NIPA2: variants seen among roughly 807,000 people sequenced by gnomAD.
The protein encoded by NIPA2 is magnesium transporter NIPA2.
NIPA2 carries 11 observed loss-of-function variants against 29.7 expected under a neutral mutation model. That is an observed-to-expected ratio of 0.37 (90% CI 0.23 to 0.61). The LOEUF (loss-of-function observed/expected upper bound fraction) is 0.61. Ranked by LOEUF, NIPA2 falls within the 20% of genes least tolerant of loss-of-function variation. NIPA2 has a pLI of 0.66. For missense variants in NIPA2, 426 were observed against 437.9 expected, an observed-to-expected ratio of 0.97 and a Z score of 0.24; for synonymous variants, 183 against 161.9, an observed-to-expected ratio of 1.13 and a Z score of -0.99.
chr15:22,850,183 G>A (rs2057622833), intron 3 of NIPA2, among the ~76,000 whole-genome samples: 1 of 152,026 alleles, frequency 6.6e-6, no homozygotes, highest in African/African-American at 2.4e-5. Context: ...GTGGCATAGA[G>A]GAATGAGCAC....
rs2059173064 is a variant in NIPA2 at position 22,867,364 on chromosome 15, A to C, written c.*517A>C. Reference sequence around the variant, plus strand: ...TTATTAAGGGAAAACTAAGTTACTGAATGAAGGAACCTCTTTCTTACAAAA... The same window carrying C: ...TTATTAAGGGAAAACTAAGTTACTGCATGAAGGAACCTCTTTCTTACAAAA... On this transcript the variant is annotated 3_prime_UTR_variant, in exon 8 of 8. Coordinates refer to ENST00000337451, the MANE Select transcript of NIPA2 (RefSeq NM_030922.7). 1 of 393,636 alleles carries C rather than the reference A, an allele frequency of 2.5e-6. No individual in the cohort carries two copies. Among genetic ancestry groups the C allele is most frequent in the Non-Finnish European group, 4.5e-6 (1 of 223,636 alleles). 24.4% of individuals were successfully genotyped at this position (393,636 alleles called of 1,614,324 possible).
chr15:22,842,550 C>T (rs567538507), intron 2 of NIPA2, among the ~76,000 whole-genome samples: 1 of 151,300 alleles, frequency 6.6e-6, no homozygotes, highest in African/African-American at 2.4e-5. Context: ...AAATATTGGC[C>T]GGGCACGGTA....
chr15:22,861,690 A>C (rs1212725288), intron 7 of NIPA2, among the ~76,000 whole-genome samples: 1 of 152,060 alleles, frequency 6.6e-6, no homozygotes, highest in Non-Finnish European at 1.5e-5. Flanking sequence ...GAAATTTCCC[A>C]CTGACATGCC....
chr15:22,859,906 T>C (rs1255182429), intron 6 of NIPA2, among the ~76,000 whole-genome samples: 1 of 152,162 alleles, frequency 6.6e-6, no homozygotes, highest in Non-Finnish European at 1.5e-5. Flanking sequence ...CTACAAGTTA[T>C]TAAAACCTGA....
At chr15:22,849,812 T>A (rs2057589940) in intron 3 of NIPA2, among the ~76,000 whole-genome samples, 1 of 152,068 alleles carries the variant, frequency 6.6e-6, no homozygotes, top group South Asian at 2.1e-4. Context: ...TCCACCAGCC[T>A]CAGCCTCCCA....
intron 3 of NIPA2, among the ~76,000 whole-genome samples, chr15:22,845,731 G>A (rs1898441218): frequency 6.6e-6 from 1 of 152,064 alleles, no homozygotes; most frequent in South Asian, 2.1e-4. Flanking sequence ...AGGTTTCTGT[G>A]TTAGGAAATG....
intron 5 of NIPA2, among the ~76,000 whole-genome samples, chr15:22,853,537 G>A (rs1321539430): frequency 6.6e-6 from 1 of 151,782 alleles, no homozygotes; most frequent in Non-Finnish European, 1.5e-5. Flanking sequence ...ACCACGCCCA[G>A]CTAATTTTTT....
intron 4 of NIPA2, among the ~76,000 whole-genome samples, chr15:22,852,984 C>T (rs1307926855): frequency 1.3e-5 from 2 of 152,138 alleles, no homozygotes; most frequent in Admixed American, 1.3e-4. Context: ...GTCCCTGATG[C>T]TTGGTCCTAA....
At position 22,867,133 on chromosome 15, in the gene NIPA2, T is replaced by TAAG. The variant is rs1555390935; in HGVS notation, c.*287_*289dup. The TAAG allele has an allele frequency of 4.3e-6, 2 of 466,004 alleles. No individual in the cohort carries two copies. Among genetic ancestry groups the TAAG allele is most frequent in the Admixed American group, 3.8e-5 (1 of 26,238 alleles). 28.9% of individuals were successfully genotyped at this position (466,004 alleles called of 1,614,324 possible). A position where few individuals can be genotyped will look rare whatever the true frequency, so the allele number is the denominator to read the frequency against. On this transcript the variant is annotated 3_prime_UTR_variant, in exon 8 of 8. Transcript: ENST00000337451. ...AAGCCGAATGCACTAATGACAGTTT[T>TAAG]AAGTCTATGAAAATGCTTTATTTTT...
rs1480225790 is a variant in NIPA2, at chr15:22,867,374, C to CA, written c.*527_*528insA. The CA allele has an allele frequency of 2.6e-6, 1 of 391,788 alleles. No homozygotes were observed. The highest frequency in any genetic ancestry group is 2.1e-5 in the African/African-American group (1 of 48,444). The allele number at this position is 391,788 out of a possible 1,614,324, so 24.3% of individuals were successfully genotyped here. A position where few individuals can be genotyped will look rare whatever the true frequency, so the allele number is the denominator to read the frequency against. ...AAAACTAAGTTACTGAATGAAGGAA[C>CA]CTCTTTCTTACAAAACAAAAAAAAG... On this transcript the variant is annotated 3_prime_UTR_variant, in exon 8 of 8. Coordinates refer to ENST00000337451, the MANE Select transcript of NIPA2 (RefSeq NM_030922.7).
At chr15:22,857,812 G>A (rs2058301603) in intron 5 of NIPA2, among the ~76,000 whole-genome samples, 1 of 144,240 alleles carries the variant, frequency 6.9e-6, no homozygotes, top group African/African-American at 2.6e-5. Flanking sequence ...ATTCCAGCCT[G>A]GGCGATAGAG....
At chr15:22,842,166 GAAT>G (rs1897263963) in intron 2 of NIPA2, among the ~76,000 whole-genome samples, 1 of 152,140 alleles carries the variant, frequency 6.6e-6, no homozygotes, top group African/African-American at 2.4e-5. Flanking sequence ...CCTGCTCCTA[GAAT>G]ATTGTACATG....
chr15:22,858,241 A>G (rs1169133823), intron 5 of NIPA2, among the ~76,000 whole-genome samples: 6 of 152,042 alleles, frequency 3.9e-5, no homozygotes, highest in African/African-American at 1.2e-4. Flanking sequence ...AAAATACAAA[A>G]AAATTAGCTG....
chr15:22,859,368 C>T (rs1172804194), intron 6 of NIPA2, among the ~76,000 whole-genome samples: 2 of 147,370 alleles, frequency 1.4e-5, no homozygotes, highest in African/African-American at 2.5e-5. Flanking sequence ...TCTCGGCTCC[C>T]TGCAAGCTCC....
chr15:22,849,735 T>G (rs2057580109), intron 3 of NIPA2, among the ~76,000 whole-genome samples: 1 of 151,996 alleles, frequency 6.6e-6, no homozygotes, highest in South Asian at 2.1e-4. Context: ...AATTTTGTTT[T>G]TGTATTTTTA....
chr15:22,865,441 G>A (rs1448743548), intron 7 of NIPA2, among the ~76,000 whole-genome samples: 4 of 151,526 alleles, frequency 2.6e-5, no homozygotes, highest in Admixed American at 6.6e-5. Context: ...AGCCGAGATC[G>A]CACCACTGCA....
chr15:22,849,564 T>A (rs2057559814), intron 3 of NIPA2, among the ~76,000 whole-genome samples: 2 of 70,126 alleles, frequency 2.9e-5, no homozygotes, highest in Admixed American at 3.5e-4. Context: ...TGTTTCAGTA[T>A]TTTTTTTTTT....
chr15:22,846,814 T>TC, intron 3 of NIPA2, among the ~76,000 whole-genome samples: 1 of 82,602 alleles, frequency 1.2e-5, no homozygotes, highest in South Asian at 4.9e-4. Context: ...AGACCCTGTC[T>TC]CCAAAATAAT....
chr15:22,842,533 AAAC>A (rs1169143921), intron 2 of NIPA2, among the ~76,000 whole-genome samples: 1 of 150,966 alleles, frequency 6.6e-6, no homozygotes, highest in Admixed American at 6.6e-5. Context: ...ACTAAAAAAA[AAAC>A]CCAAAATATT....
Sources: gnomAD v4.1 joint callset for allele counts (sites outside exome capture counted in the v4.1 genomes callset) on GRCh38, gnomAD v4.1.1 for gene constraint, MANE v1.5 for transcripts, NCBI Gene and HGNC (gene_info 2026-07-23, HGNC 2026-07-21) for gene names.